Variants in QSER1 observed in about 807,000 individuals in gnomAD.
QSER1 encodes glutamine and serine rich 1, also known as glutamine and serine-rich protein 1.
Under a neutral mutation model 158.5 loss-of-function variants are expected in QSER1, and 49 were observed. That is an observed-to-expected ratio of 0.31 (90% confidence interval 0.25 to 0.39). The LOEUF (loss-of-function observed/expected upper bound fraction) is 0.39. Among genes scored for constraint, QSER1 ranks in the 10% least tolerant of loss-of-function variants. QSER1 has a pLI of 1.00. For synonymous variants in QSER1, 650 were observed against 715.5 expected, an observed-to-expected ratio of 0.91 and a Z score of 1.46; for missense variants, 1,754 against 2,010.3, an observed-to-expected ratio of 0.87 and a Z score of 2.44.
chr11:32,932,898 C>T lies in QSER1; in HGVS notation c.1640C>T (p.Ser547Phe). 6.2e-7 allele frequency: 1 copy of T among 1,614,064 alleles called. No homozygotes were observed. The highest frequency in any genetic ancestry group is 8.5e-7 in the Non-Finnish European group (1 of 1,180,000). Residue 547 changes from serine (S) to phenylalanine (F), a missense_variant, in exon 4 of 13, where the codon TCT (serine) becomes TTT (phenylalanine). Physicochemically the swap from Ser to Phe is radical, Grantham distance 155. Transcript: ENST00000650167. The stretch of plus-strand genomic sequence containing the variant: ...TACCCTGCTCAAACAAGAGATCTGT[C>T]TTCAGTAAGTCAGTCTCAAAGTTAC... ...ENYPAQTRDLSSVSQSQSYSS... is the reference protein window; with the variant it reads ...ENYPAQTRDLFSVSQSQSYSS...
intron 9 of QSER1, among the ~76,000 whole-genome samples, 159 bp downstream of exon 9, chr11:32,966,596 T>A (rs961054392): frequency 2.6e-5 from 4 of 152,234 alleles, no homozygotes; most frequent in Non-Finnish European, 4.4e-5. Flanking sequence ...TGGTCATATC[T>A]TTTCATGCAT....
intron 1 of QSER1, among the ~76,000 whole-genome samples, chr11:32,917,860 A>G (rs1302206741): frequency 6.9e-6 from 1 of 145,778 alleles, no homozygotes; most frequent in Non-Finnish European, 1.5e-5. Flanking sequence ...ATTTCTCTGT[A>G]TTGCTTTCTG....
chr11:32,954,661 T>G (rs956837592), intron 5 of QSER1, among the ~76,000 whole-genome samples: 23 of 152,238 alleles, frequency 1.5e-4, no homozygotes, highest in Non-Finnish European at 2.6e-4. Flanking sequence ...GGTTTCTGTT[T>G]GCTTGCTTTG....
chr11:32,903,816 T>G (rs768461797), intron 1 of QSER1, among the ~76,000 whole-genome samples: 1 of 152,148 alleles, frequency 6.6e-6, no homozygotes, highest in Non-Finnish European at 1.5e-5. Flanking sequence ...TTCACTGTGT[T>G]GGGCAGGCTG....
At chr11:32,960,388 C>A (rs1225297917) in intron 8 of QSER1, among the ~76,000 whole-genome samples, 1 of 151,862 alleles carries the variant, frequency 6.6e-6, no homozygotes, top group African/African-American at 2.4e-5. Context: ...GAAACCCTGT[C>A]TCTACTAAAA....
chr11:32,947,679 C>T (rs1393003376), intron 4 of QSER1, among the ~76,000 whole-genome samples: 1 of 151,908 alleles, frequency 6.6e-6, no homozygotes, highest in Non-Finnish European at 1.5e-5. Context: ...TAAAACTCCT[C>T]TCTACCCTTA....
intron 1 of QSER1, among the ~76,000 whole-genome samples, chr11:32,916,407 A>G (rs1016035822): frequency 3.9e-5 from 6 of 152,214 alleles, no homozygotes; most frequent in Non-Finnish European, 8.8e-5. Context: ...TAGCAAATGC[A>G]GTAATCTGTC....
At chr11:32,964,735 T>TATAG (rs1852700294) in intron 8 of QSER1, among the ~76,000 whole-genome samples, 1 of 116,656 alleles carries the variant, frequency 8.6e-6, no homozygotes. Flanking sequence ...TATATATATA[T>TATAG]ATATACACAC....
intron 8 of QSER1, 84 bp downstream of exon 8, chr11:32,958,170 T>C: frequency 9.2e-7 from 1 of 1,081,122 alleles, no homozygotes; most frequent in Admixed American, 2.3e-5. Context: ...CAATTCAAAA[T>C]GTATTTACTT....
intron 4 of QSER1, among the ~76,000 whole-genome samples, chr11:32,949,052 G>A (rs900779389): frequency 1.3e-5 from 2 of 151,934 alleles, no homozygotes; most frequent in Non-Finnish European, 2.9e-5. Context: ...TGACATAAAT[G>A]TTATTGTTAC....
chr11:32,964,101 C>A (rs974832372), intron 8 of QSER1, among the ~76,000 whole-genome samples: 2 of 152,136 alleles, frequency 1.3e-5, no homozygotes, highest in Non-Finnish European at 2.9e-5. Flanking sequence ...GGCCCCCAAG[C>A]AGCTAGTACT....
In QSER1 at chr11:32,934,931, C is replaced by T; in HGVS notation, c.3673C>T (p.Pro1225Ser). 6.2e-7 allele frequency: 1 copy of T among 1,613,860 alleles called. No individual in the cohort carries two copies. The highest frequency in any genetic ancestry group is 2.2e-5 in the East Asian group (1 of 44,882). ...DNSNQKQLKR[P>S]AQGKRQNPRG... ...CAGTAATCAGAAACAGCTGAAAAGA[C>T]CTGCCCAAGGCAAACGCCAGAATCC... Residue 1225 changes from proline (P) to serine (S), a missense_variant, in exon 4 of 13, where the codon CCT (proline) becomes TCT (serine). Coordinates refer to ENST00000650167, the MANE Select transcript of QSER1 (RefSeq NM_001076786.3).
Position 32,933,806 on chromosome 11 carries a change from C to T in QSER1, c.2548C>T (p.Pro850Ser), listed in dbSNP as rs372077970. The part of the protein sequence containing the change: ...ALGHGHQASL[P>S]NTQVLLDSAC... The stretch of plus-strand genomic sequence containing the variant: ...AGGGCATGGCCATCAGGCATCTCTT[C>T]CTAATACACAGGTCCTTTTAGATTC... The change falls in exon 4 of 13, where the codon CCT becomes TCT. Residue 850 changes from proline to serine, a missense_variant. Transcript: ENST00000650167. The T allele has an allele frequency of 1.9e-6, 3 of 1,613,784 alleles. No homozygotes were observed. Among genetic ancestry groups the T allele is most frequent in the African/African-American group, 2.7e-5 (2 of 74,932 alleles).
At position 32,933,497 on chromosome 11, in the gene QSER1, G is replaced by A. The variant is rs911899724; in HGVS notation, c.2239G>A (p.Glu747Lys). 6.8e-6 allele frequency: 11 copies of A among 1,611,948 alleles called. No homozygotes were observed. Among genetic ancestry groups the A allele is most frequent in the Non-Finnish European group, 9.3e-6 (11 of 1,179,182 alleles). Residue 747 changes from glutamate to lysine, a missense_variant, in exon 4 of 13, where the codon GAA becomes AAA. Glu to Lys is a moderately conservative substitution (Grantham distance 56). This residue lies in a region of QSER1 where 1,707 missense variants were observed against 1,919.6 expected (regional missense o/e 0.89). Coordinates refer to ENST00000650167, the MANE Select transcript of QSER1 (RefSeq NM_001076786.3). ...QSVIRSNSRL[E>K]DQVIGVALQA... Reference sequence around the variant, plus strand: ...TGTAATCAGAAGTAATTCCCGTCTTGAAGATCAAGTTATTGGGGTTGCTCT... The same window carrying A: ...TGTAATCAGAAGTAATTCCCGTCTTAAAGATCAAGTTATTGGGGTTGCTCT...
Position 32,893,561 on chromosome 11 carries a change from A to G in QSER1, c.209+227A>G, listed in dbSNP as rs1030362746. Among the ~76,000 whole-genome samples the G allele has an allele frequency of 2.6e-5, 4 of 152,104 alleles. No individual in the cohort carries two copies. The highest frequency in any genetic ancestry group is 9.6e-5 in the African/African-American group (4 of 41,476). On this transcript the variant is annotated intron_variant, in intron 1 of 12. Coordinates refer to ENST00000650167, the MANE Select transcript of QSER1 (RefSeq NM_001076786.3). The surrounding 1 kb of genome is among the most constrained non-coding windows in gnomAD (Gnocchi z 4.7). ...GCCTGGGGACGGCGGGTGAAGGAATAGCTGGGCGGGAGTCGTGGGGCTCCG... is the reference window on the plus strand; with the variant it reads ...GCCTGGGGACGGCGGGTGAAGGAATGGCTGGGCGGGAGTCGTGGGGCTCCG...
At chr11:32,903,974 T>C (rs1564925424) in intron 1 of QSER1, among the ~76,000 whole-genome samples, 1 of 152,110 alleles carries the variant, frequency 6.6e-6, no homozygotes, top group Non-Finnish European at 1.5e-5. Flanking sequence ...AACTTATCTG[T>C]TCCTTGGGTT....
rs544970878 is a variant in QSER1, at chr11:32,893,257, AGCC to A, written c.148_150del (p.Ala50del). The A allele has an allele frequency of 7.2e-5, 10 of 139,552 alleles. No homozygotes were observed. The highest frequency in any genetic ancestry group is 1.4e-4 in the Non-Finnish European group (9 of 63,806). The allele number at this position is 139,552 out of a possible 1,614,324, so 8.6% of individuals were successfully genotyped here. On this transcript the variant is annotated inframe_deletion, in exon 1 of 13. Coordinates refer to ENST00000650167, the MANE Select transcript of QSER1 (RefSeq NM_001076786.3). This position sits in a 1 kb window ranked among gnomAD's most constrained non-coding sequence, Gnocchi z 4.7. ...CCCCAGCCTGGGCGTACGAACCCCGAGCCGCCGCCGCCGCCGCCAGCAGCAGCT... is the reference window on the plus strand; with the variant it reads ...CCCCAGCCTGGGCGTACGAACCCCGAGCCGCCGCCGCCGCCAGCAGCAGCT...
chr11:32,922,185 A>T (rs1269106550), intron 1 of QSER1, among the ~76,000 whole-genome samples: 1 of 152,198 alleles, frequency 6.6e-6, no homozygotes, highest in Admixed American at 6.5e-5. Flanking sequence ...AATTAGGCAA[A>T]GATTTCTTAG....
chr11:32,904,167 G>A (rs192288287), intron 1 of QSER1, among the ~76,000 whole-genome samples: 8 of 151,710 alleles, frequency 5.3e-5, no homozygotes, highest in Non-Finnish European at 1.0e-4. Flanking sequence ...TGCAGTCAAG[G>A]CAATAGTAAG....
Sources: allele counts gnomAD v4.1 joint callset (sites outside exome capture counted in the v4.1 genomes callset), GRCh38; gene constraint gnomAD v4.1.1; regional missense constraint gnomAD v4.1.1; non-coding constraint Gnocchi (gnomAD v3.1); transcripts MANE v1.5; gene names NCBI Gene and HGNC (gene_info 2026-07-23, HGNC 2026-07-21).